The following GRAP variants were observed in gnomAD, a reference collection of about 807,000 sequenced individuals.
The protein encoded by GRAP is GRB2-related adapter protein.
In GRAP, 2 loss-of-function variants were observed where a neutral mutation model predicts 9.1. The observed-to-expected ratio is 0.22, with a 90% CI of 0.09 to 0.69. The LOEUF (loss-of-function observed/expected upper bound fraction) is 0.69, where lower values mean the gene tolerates loss of function less well. Among genes scored for constraint, GRAP ranks in the 30% least tolerant of loss-of-function variants. The pLI, the probability that GRAP is intolerant of heterozygous loss-of-function variation, is 0.81. For missense variants in GRAP, 113 were observed against 179.4 expected, an observed-to-expected ratio of 0.63 and a Z score of 2.12; for synonymous variants, 68 against 73.6, an observed-to-expected ratio of 0.92 and a Z score of 0.39.
intron 3 of GRAP, among the ~76,000 whole-genome samples, chr17:19,025,817 T>G (rs1453433464): frequency 1.3e-4 from 4 of 30,762 alleles, no homozygotes; most frequent in African/African-American, 1.8e-4. Flanking sequence ...GGTTTCACCG[T>G]GTTAGCCAGG....
intron 4 of GRAP, among the ~76,000 whole-genome samples, chr17:19,023,656 C>T (rs1252345599): frequency 3.7e-5 from 5 of 134,844 alleles, no homozygotes; most frequent in South Asian, 2.9e-4. Context: ...CCCCCCACCC[C>T]GCGGCTTGCC....
Position 19,024,798 on chromosome 17 carries a change from C to T in GRAP, c.300-415G>A, listed in dbSNP as rs1490666763. ...TCCTTCACATCTCTTTGTTGTTCCC[C>T]TCAGCTTGGACCTACTCCCTGCTCC... On this transcript the variant is annotated intron_variant, in intron 3 of 4. Transcript: ENST00000284154. The surrounding 1 kb of genome is among the most constrained non-coding windows in gnomAD (Gnocchi z 4.2). 1.3e-5 allele frequency among the ~76,000 whole-genome samples: 2 copies of T among 152,124 alleles called. No homozygotes were observed. The highest frequency in any genetic ancestry group is 2.9e-5 in the Non-Finnish European group (2 of 68,028).
At chr17:19,027,885 CTTT>C (rs1242300155) in intron 3 of GRAP, among the ~76,000 whole-genome samples, 1 of 103,140 alleles carries the variant, frequency 9.7e-6, no homozygotes. Context: ...CCACTTCTCC[CTTT>C]TTTTTTTTTT....
intron 3 of GRAP, among the ~76,000 whole-genome samples, chr17:19,025,913 C>T (rs1306716713): frequency 4.9e-5 from 1 of 20,490 alleles, no homozygotes; most frequent in African/African-American, 2.4e-4. Flanking sequence ...CGCACCCAGC[C>T]GAGCCTGCTC....
At position 19,021,229 on chromosome 17, in the gene GRAP, G is replaced by A. The variant is rs2044260896; in HGVS notation, c.*730C>T. The A allele has an allele frequency of 6.6e-6, 1 of 152,284 alleles. No individual in the cohort carries two copies. Among genetic ancestry groups the A allele is most frequent in the South Asian group, 2.1e-4 (1 of 4,832 alleles). The allele number at this position is 152,284 out of a possible 1,614,324, so 9.4% of individuals were successfully genotyped here. ...GCAGAACCTGGGCCTAAACAAACAAGAGCCAGGGCAGCCAGGGTCTCTGCG... is the reference window on the plus strand; with the variant it reads ...GCAGAACCTGGGCCTAAACAAACAAAAGCCAGGGCAGCCAGGGTCTCTGCG... On this transcript the variant is annotated 3_prime_UTR_variant, in exon 5 of 5. Coordinates refer to ENST00000284154, the MANE Select transcript of GRAP (RefSeq NM_006613.4). The surrounding 1 kb of genome is among the most constrained non-coding windows in gnomAD (Gnocchi z 4.1).
At position 19,021,995 on chromosome 17, in the gene GRAP, G is replaced by A. The variant is rs1311500061; in HGVS notation, c.618C>T (p.Phe206=). Residue 206 remains phenylalanine, a synonymous_variant, in exon 5 of 5, where the codon TTC becomes TTT. Transcript: ENST00000284154. The surrounding 1 kb of genome is among the most constrained non-coding windows in gnomAD (Gnocchi z 4.1). ...WRGRSCGRVG[F]FPRSYVQPVH... ...CGGGCTGCACGTAACTCCGTGGGAAGAAGCCAACGCGCCCGCAGGACCGGC... is the reference window on the plus strand; with the variant it reads ...CGGGCTGCACGTAACTCCGTGGGAAAAAGCCAACGCGCCCGCAGGACCGGC... 2 of 1,587,410 alleles carry A rather than the reference G, an allele frequency of 1.3e-6. No homozygotes were observed. Among genetic ancestry groups the A allele is most frequent in the Admixed American group, 3.6e-5 (2 of 55,884 alleles).
Position 19,022,017 on chromosome 17 carries a change from C to T in GRAP, c.596G>A (p.Arg199Gln), listed in dbSNP as rs1162180559. 4.4e-6 allele frequency: 7 copies of T among 1,598,216 alleles called. No individual in the cohort carries two copies. The highest frequency in any genetic ancestry group is 4.6e-5 in the East Asian group (2 of 43,792). Residue 199 changes from arginine to glutamine, a missense_variant, in exon 5 of 5, where the codon CGG becomes CAG. By Grantham distance (43) the Arg-to-Gln change is conservative (BLOSUM62 1). Coordinates refer to ENST00000284154, the MANE Select transcript of GRAP (RefSeq NM_006613.4). ...GAAGAAGCCAACGCGCCCGCAGGAC[C>T]GGCCCCGCCACCAGTGGGGGTCTGG... ...ERPDPHWWRG[R>Q]SCGRVGFFPR...
Position 19,024,291 on chromosome 17 carries a change from A to G in GRAP, c.392T>C (p.Leu131Pro), listed in dbSNP as rs530891798. 2 of 1,609,898 alleles carry G rather than the reference A, an allele frequency of 1.2e-6. No individual in the cohort carries two copies. Among genetic ancestry groups the G allele is most frequent in the Non-Finnish European group, 8.5e-7 (1 of 1,178,164 alleles). The change falls in exon 4 of 5, where the codon CTG (leucine) becomes CCG (proline). Residue 131 changes from leucine to proline, a missense_variant. Coordinates refer to ENST00000284154, the MANE Select transcript of GRAP (RefSeq NM_006613.4). The surrounding 1 kb of genome is among the most constrained non-coding windows in gnomAD (Gnocchi z 4.2). Reference sequence around the variant, plus strand: ...GGTGGTGGTGCGGTAGAAGTCGACCAGCTCGTTGAGGGAGTTGAACTTCTC... The same window carrying G: ...GGTGGTGGTGCGGTAGAAGTCGACCGGCTCGTTGAGGGAGTTGAACTTCTC... ...WEEKFNSLNELVDFYRTTTIA... is the reference protein window; with the variant it reads ...WEEKFNSLNEPVDFYRTTTIA...
chr17:19,021,614 G>A lies in GRAP; in HGVS notation c.*345C>T, dbSNP rs2044265566. 2.6e-6 allele frequency: 1 copy of A among 391,336 alleles called. No homozygotes were observed. Among genetic ancestry groups the A allele is most frequent in the African/African-American group, 2.1e-5 (1 of 48,532 alleles). The allele number at this position is 391,336 out of a possible 1,614,324, so 24.2% of individuals were successfully genotyped here. ...CAGGGTTCCTTAGGTTGAGCCTCCA[G>A]TGGGTGAAACCTGGGAGTCCTCAAC... On this transcript the variant is annotated 3_prime_UTR_variant, in exon 5 of 5. Transcript: ENST00000284154. This position sits in a 1 kb window ranked among gnomAD's most constrained non-coding sequence, Gnocchi z 4.1.
At position 19,024,465 on chromosome 17, in the gene GRAP, C is replaced by G; in HGVS notation, c.300-82G>C. ...CCCAGGGGCTCCCGTCTCACTACCA[C>G]CTGGAACCAGCCTGTCTCACGGTGG... On this transcript the variant is annotated intron_variant, in intron 3 of 4. Transcript: ENST00000284154. This position sits in a 1 kb window ranked among gnomAD's most constrained non-coding sequence, Gnocchi z 4.2. 6.6e-7 allele frequency: 1 copy of G among 1,525,502 alleles called. No homozygotes were observed. Among genetic ancestry groups the G allele is most frequent in the Non-Finnish European group, 8.8e-7 (1 of 1,133,698 alleles). 94.5% of individuals were successfully genotyped at this position (1,525,502 alleles called of 1,614,324 possible). A position where few individuals can be genotyped will look rare whatever the true frequency, so the allele number is the denominator to read the frequency against.
intron 4 of GRAP, chr17:19,022,373 C>G (rs59708379): frequency 0.031 from 12,331 of 396,126 alleles, 1,349 homozygotes; most frequent in African/African-American, 0.23. Context: ...ACACGGCTTT[C>G]CCAGCCGCCC....
Position 19,027,480 on chromosome 17 carries a change from G to GCACACACACACACA in GRAP, c.300-3098_300-3097insTGTGTGTGTGTGTG, listed in dbSNP as rs771916548. Among the ~76,000 whole-genome samples, 59 of 69,340 alleles carry GCACACACACACACA rather than the reference G, an allele frequency of 8.5e-4. 2 individuals carry two copies. The highest frequency in any genetic ancestry group is 4.4e-4 in the Admixed American group (3 of 6,758). 45.5% of individuals were successfully genotyped at this position (69,340 alleles called of 152,430 possible). ...CTTGATGGGACACATGCGCGCGCGC[G>GCACACACACACACA]CGCGCACACACACACACACACACAC... On this transcript the variant is annotated intron_variant, in intron 3 of 4. Transcript: ENST00000284154.
rs1165395311 is a variant in GRAP at position 19,021,979 on chromosome 17, C to T, written c.634G>A (p.Val212Met). Residue 212 changes from valine (V) to methionine (M), a missense_variant, in exon 5 of 5, where the codon GTG (valine) becomes ATG (methionine). By Grantham distance (21) the Val-to-Met change is conservative. This residue lies in a region of GRAP where 113 missense variants were observed against 163.3 expected (regional missense o/e 0.69). Transcript: ENST00000284154. This position sits in a 1 kb window ranked among gnomAD's most constrained non-coding sequence, Gnocchi z 4.1. ...GCTGCTCACAGGTGCACGGGCTGCA[C>T]GTAACTCCGTGGGAAGAAGCCAACG... ...GRVGFFPRSY[V>M]QPVHL The T allele has an allele frequency of 1.3e-6, 2 of 1,575,252 alleles. No individual in the cohort carries two copies. Among genetic ancestry groups the T allele is most frequent in the Non-Finnish European group, 1.7e-6 (2 of 1,162,132 alleles).
intron 4 of GRAP, among the ~76,000 whole-genome samples, chr17:19,023,801 C>T (rs2044291908): frequency 6.6e-6 from 1 of 152,002 alleles, no homozygotes; most frequent in Admixed American, 6.6e-5. Context: ...GTTTCCTCAT[C>T]TGTATAATGG....
intron 3 of GRAP, among the ~76,000 whole-genome samples, chr17:19,025,262 G>T (rs1259920222): frequency 6.7e-6 from 1 of 149,768 alleles, no homozygotes; most frequent in East Asian, 2.0e-4. Flanking sequence ...CGCTATCTCG[G>T]CTCACTGCAA....
At chr17:19,025,313 T>C (rs906044380) in intron 3 of GRAP, among the ~76,000 whole-genome samples, 1 of 149,222 alleles carries the variant, frequency 6.7e-6, no homozygotes, top group Non-Finnish European at 1.5e-5. Flanking sequence ...TGCCTCAGCC[T>C]CCTGAGTAGC....
In GRAP at chr17:19,020,771, G is replaced by C; in HGVS notation, c.*1188C>G. On this transcript the variant is annotated 3_prime_UTR_variant, in exon 5 of 5. Coordinates refer to ENST00000284154, the MANE Select transcript of GRAP (RefSeq NM_006613.4). ...ATTTGCCAGCACTCAGGGTTCTAAG[G>C]GTCTTGGGCCAGCTCTGGATGGAGG... 6.2e-6 allele frequency: 2 copies of C among 324,942 alleles called. No homozygotes were observed. The highest frequency in any genetic ancestry group is 1.2e-5 in the Non-Finnish European group (2 of 169,232). 20.1% of individuals were successfully genotyped at this position (324,942 alleles called of 1,614,324 possible).
At chr17:19,041,475 A>AG (rs1410991916) in intron 2 of GRAP, among the ~76,000 whole-genome samples, 1 of 147,028 alleles carries the variant, frequency 6.8e-6, no homozygotes, top group Non-Finnish European at 1.5e-5. Context: ...TGAGTTATAG[A>AG]TAGGAAAACT....
chr17:19,043,980 A>T, intron 1 of GRAP, among the ~76,000 whole-genome samples: 1 of 101,014 alleles, frequency 9.9e-6, no homozygotes, highest in East Asian at 2.6e-4. Context: ...TTTGAGATGG[A>T]GTCTCACTCT....
Sources: allele counts gnomAD v4.1 joint callset (sites outside exome capture counted in the v4.1 genomes callset), GRCh38; gene constraint gnomAD v4.1.1; regional missense constraint gnomAD v4.1.1; non-coding constraint Gnocchi (gnomAD v3.1); transcripts MANE v1.5; gene names NCBI Gene and HGNC (gene_info 2026-07-23, HGNC 2026-07-21).